MIS18A: variants seen among roughly 807,000 people sequenced by gnomAD.
MIS18A encodes the protein MIS18 kinetochore protein A.
A neutral mutation model predicts 25.0 loss-of-function variants in MIS18A; 14 were observed. The ratio of observed to expected loss-of-function variants is 0.56; its 90% CI spans 0.37 to 0.88. The LOEUF (loss-of-function observed/expected upper bound fraction) is 0.88. MIS18A is among the 40% of genes least tolerant of loss of function. The pLI is 0.00. For synonymous variants in MIS18A, 134 were observed against 118.6 expected (o/e 1.13, Z -0.84); for missense variants, 292 against 290.8 (o/e 1.00, Z -0.03).
chr21:32,184,110 C>T, the MIS18A span, among the ~76,000 whole-genome samples: 1 of 152,184 alleles, frequency 6.6e-6, no homozygotes, highest in Non-Finnish European at 1.5e-5. Flanking sequence ...TGTGTCAAAA[C>T]AGCCACTTCA....
the MIS18A span, among the ~76,000 whole-genome samples, chr21:32,235,067 T>C: frequency 5.3e-5 from 8 of 152,276 alleles, no homozygotes; most frequent in Admixed American, 3.9e-4. Flanking sequence ...ATATAGCTAA[T>C]TGATCACAAC....
the MIS18A span, among the ~76,000 whole-genome samples, chr21:32,256,793 CT>C: frequency 6.6e-6 from 1 of 152,270 alleles, no homozygotes; most frequent in South Asian, 2.1e-4. Flanking sequence ...TCTAGTGCTT[CT>C]CAGACTGATG....
At chr21:32,238,643 C>A in the MIS18A span, among the ~76,000 whole-genome samples, 1 of 152,182 alleles carries the variant, frequency 6.6e-6, no homozygotes, top group African/African-American at 2.4e-5. Flanking sequence ...CTCAATCAAC[C>A]CCCAATACCA....
the MIS18A span, among the ~76,000 whole-genome samples, chr21:32,194,567 G>C: frequency 6.6e-6 from 1 of 152,004 alleles, no homozygotes; most frequent in African/African-American, 2.4e-5. Flanking sequence ...GCTGAGGCAG[G>C]AGAATCGCTT....
chr21:32,173,295 A>C, the MIS18A span, among the ~76,000 whole-genome samples: 2 of 152,162 alleles, frequency 1.3e-5, no homozygotes, highest in African/African-American at 4.8e-5. Context: ...CGACCATAAC[A>C]AATGGGGGCA....
chr21:32,243,546 C>G, the MIS18A span, among the ~76,000 whole-genome samples: 9 of 152,086 alleles, frequency 5.9e-5, no homozygotes, highest in Admixed American at 5.2e-4. Context: ...ACACCTAAAA[C>G]CTGACAGTAA....
the MIS18A span, among the ~76,000 whole-genome samples, chr21:32,250,263 G>A: frequency 6.6e-6 from 1 of 151,918 alleles, no homozygotes; most frequent in South Asian, 2.1e-4. Flanking sequence ...AAATAATACA[G>A]AAATTCTATA....
At chr21:32,246,737 A>G in the MIS18A span, among the ~76,000 whole-genome samples, 1 of 152,028 alleles carries the variant, frequency 6.6e-6, no homozygotes, top group Non-Finnish European at 1.5e-5. Flanking sequence ...TCTTTCAGTC[A>G]CTGGCCTTCA....
the MIS18A span, among the ~76,000 whole-genome samples, chr21:32,249,204 C>T: frequency 6.6e-6 from 1 of 152,168 alleles, no homozygotes; most frequent in African/African-American, 2.4e-5. Flanking sequence ...CTTAGTGCAG[C>T]ATCACAGAGC....
At chr21:32,203,184 A>G in the MIS18A span, among the ~76,000 whole-genome samples, 3 of 151,304 alleles carry the variant, frequency 2.0e-5, no homozygotes, top group African/African-American at 7.3e-5. Flanking sequence ...AGAAAAGAGA[A>G]AAAAAAAATG....
At chr21:32,228,464 C>T in the MIS18A span, among the ~76,000 whole-genome samples, 1 of 152,202 alleles carries the variant, frequency 6.6e-6, no homozygotes, top group African/African-American at 2.4e-5. Flanking sequence ...CCCCTCTCTG[C>T]ATTTCTATTC....
At chr21:32,249,496 T>G in the MIS18A span, among the ~76,000 whole-genome samples, 1 of 152,176 alleles carries the variant, frequency 6.6e-6, no homozygotes, top group Admixed American at 6.5e-5. Context: ...GATTCCAGCC[T>G]CAGCAGGGGA....
chr21:32,157,223 A>ATTTTTTTTTTTTTTTTTTTTT, the MIS18A span, among the ~76,000 whole-genome samples: 47 of 72,308 alleles, frequency 6.5e-4, 2 homozygotes, highest in African/African-American at 6.8e-4. Flanking sequence ...TACCCGGCTA[A>ATTTTTTTTTTTTTTTTTTTTT]TTTTTTTTTT....
rs768643523 is a variant in MIS18A at position 32,278,858 on chromosome 21, T to A, written c.157A>T (p.Ser53Cys). ...ACCGACGCGTCTTCGCTCATGGAGC[T>A]CCACATGCTCGCCCACTTCTGCAAC... ...QLLQKWASMW[S>C]SMSEDASVAD... Residue 53 changes from serine to cysteine, a missense_variant, in exon 1 of 5, where the codon AGC (serine) becomes TGC (cysteine). Ser to Cys is a moderately radical substitution (Grantham distance 112, BLOSUM62 -1). Coordinates refer to ENST00000290130, the MANE Select transcript of MIS18A (RefSeq NM_018944.3). The A allele has an allele frequency of 1.2e-6, 2 of 1,612,574 alleles. No individual in the cohort carries two copies. Among genetic ancestry groups the A allele is most frequent in the South Asian group, 2.2e-5 (2 of 90,998 alleles).
chr21:32,178,069 C>T, the MIS18A span, among the ~76,000 whole-genome samples: 1 of 151,986 alleles, frequency 6.6e-6, no homozygotes. Flanking sequence ...CATGAGCATG[C>T]CACTATACTA....
At chr21:32,272,941 C>A (rs1156521018) in intron 2 of MIS18A, among the ~76,000 whole-genome samples, 2 of 152,074 alleles carry the variant, frequency 1.3e-5, no homozygotes, top group African/African-American at 4.8e-5. Context: ...AGTCCTGTGA[C>A]CTTAGCAAAG....
chr21:32,165,356 C>T, the MIS18A span, among the ~76,000 whole-genome samples: 1 of 147,396 alleles, frequency 6.8e-6, no homozygotes, highest in African/African-American at 2.5e-5. Flanking sequence ...AGACATTCCA[C>T]AAAATAATCA....
rs1471191039 is a variant in MIS18A at position 32,268,941 on chromosome 21, T to TC, written c.*95_*96insG. 2.4e-4 allele frequency: 113 copies of TC among 471,822 alleles called. No homozygotes were observed. Among genetic ancestry groups the TC allele is most frequent in the African/African-American group, 2.7e-4 (11 of 40,368 alleles). The allele number at this position is 471,822 out of a possible 1,614,324, so 29.2% of individuals were successfully genotyped here. A position where few individuals can be genotyped will look rare whatever the true frequency, so the allele number is the denominator to read the frequency against. On this transcript the variant is annotated 3_prime_UTR_variant, in exon 5 of 5. Transcript: ENST00000290130. ...GCATGCCTGGCTAATTTTTTTTTTC[T>TC]TTTTTTTTTTGTAGAGACGACGTCT...
At chr21:32,248,306 C>CTGAG in the MIS18A span, among the ~76,000 whole-genome samples, 2 of 152,158 alleles carry the variant, frequency 1.3e-5, no homozygotes, top group African/African-American at 4.8e-5. Context: ...GACCAAGGAA[C>CTGAG]TGAGATTCAA....
Sources: gnomAD v4.1 joint callset for allele counts (sites outside exome capture counted in the v4.1 genomes callset) on GRCh38, gnomAD v4.1.1 for gene constraint, MANE v1.5 for transcripts, NCBI Gene and HGNC (gene_info 2026-07-23, HGNC 2026-07-21) for gene names.